ESRRG: variants seen among roughly 807,000 people sequenced by gnomAD.
ESRRG encodes the protein estrogen-related receptor gamma.
In ESRRG, 13 loss-of-function variants were observed where a neutral mutation model predicts 44.0. The ratio of observed to expected loss-of-function variants is 0.30; its 90% confidence interval spans 0.19 to 0.47. The LOEUF (loss-of-function observed/expected upper bound fraction) is 0.47. Ranked by LOEUF, ESRRG falls within the 20% of genes least tolerant of loss-of-function variation. The pLI is 1.00. For missense variants in ESRRG, 395 were observed against 580.6 expected, an observed-to-expected ratio of 0.68 and a Z score of 3.29; for synonymous variants, 215 against 214.6, an observed-to-expected ratio of 1.00 and a Z score of -0.02.
intron 2 of ESRRG, among the ~76,000 whole-genome samples, chr1:216,906,457 C>T (rs2059695176): frequency 6.6e-6 from 1 of 152,136 alleles, no homozygotes; most frequent in Non-Finnish European, 1.5e-5. Flanking sequence ...CTTTGTCCAT[C>T]AGACATATGG....
chr1:216,803,349 AAT>A (rs1234032673), intron 2 of ESRRG, among the ~76,000 whole-genome samples: 1 of 152,156 alleles, frequency 6.6e-6, no homozygotes, highest in Non-Finnish European at 1.5e-5. Context: ...ACCTCCAATT[AAT>A]AGTTTCTTAA....
intron 1 of ESRRG, among the ~76,000 whole-genome samples, chr1:217,050,404 A>C: frequency 6.6e-6 from 1 of 152,192 alleles, no homozygotes. Flanking sequence ...CAGCTTTATC[A>C]TCTGAGGTCT....
chr1:216,843,778 C>G lies in ESRRG; in HGVS notation c.-14+95804G>C, dbSNP rs531913358. On this transcript the variant is annotated intron_variant, in intron 2 of 7. Transcript: ENST00000359162. ...GAACCACATTACTGTAATTGGGTACCTGAATTAATGCCATTTCTTCTGATG... is the reference window on the plus strand; with the variant it reads ...GAACCACATTACTGTAATTGGGTACGTGAATTAATGCCATTTCTTCTGATG... Among the ~76,000 whole-genome samples, 4 of 152,184 alleles carry G rather than the reference C, an allele frequency of 2.6e-5. No homozygotes were observed. The South Asian group carries it at 8.3e-4, about 32-fold the overall frequency.
intron 2 of ESRRG, among the ~76,000 whole-genome samples, chr1:216,756,600 T>C (rs960160389): frequency 7.9e-5 from 12 of 152,038 alleles, no homozygotes; most frequent in African/African-American, 2.9e-4. Flanking sequence ...TAGCTCATTC[T>C]AGCTACTTTA....
At chr1:216,990,887 A>G (rs1215094952) in intron 1 of ESRRG, among the ~76,000 whole-genome samples, 1 of 152,120 alleles carries the variant, frequency 6.6e-6, no homozygotes, top group Non-Finnish European at 1.5e-5. Flanking sequence ...TCTAGGGTCA[A>G]TTGTACTGTA....
intron 2 of ESRRG, among the ~76,000 whole-genome samples, chr1:216,816,160 A>G (rs1288335756): frequency 2.0e-5 from 3 of 152,162 alleles, no homozygotes; most frequent in Admixed American, 6.5e-5. Context: ...CCGAAATGGG[A>G]GCAAAGGTTT....
chr1:216,823,223 G>A lies in ESRRG; in HGVS notation c.-14+116359C>T, dbSNP rs528632602. ...AAAGTCTTGAATCTGTAAGAGAAGG[G>A]AGTAAGACTGGATGCAAAGACCTCT... On this transcript the variant is annotated intron_variant, in intron 2 of 7. Coordinates refer to the ESRRG transcript ENST00000359162. Among the ~76,000 whole-genome samples, 6 of 152,036 alleles carry A rather than the reference G, an allele frequency of 3.9e-5. No homozygotes were observed. The South Asian group carries it at 1.3e-3, about 32-fold the overall frequency.
chr1:216,655,579 C>T (rs2070283134), intron 2 of ESRRG, among the ~76,000 whole-genome samples: 1 of 152,156 alleles, frequency 6.6e-6, no homozygotes, highest in African/African-American at 2.4e-5. Context: ...AGCATCTTCA[C>T]AAATGATATA....
intron 3 of ESRRG, among the ~76,000 whole-genome samples, chr1:216,636,017 A>C (rs1167380862): frequency 6.6e-6 from 1 of 152,226 alleles, no homozygotes; most frequent in Non-Finnish European, 1.5e-5. Flanking sequence ...AAGCATTTTA[A>C]ATACATTACC....
At chr1:216,717,866 A>G (rs1209737158) in intron 1 of ESRRG, among the ~76,000 whole-genome samples, 1 of 151,876 alleles carries the variant, frequency 6.6e-6, no homozygotes, top group African/African-American at 2.4e-5. Context: ...GAAAGCTATC[A>G]TGCTTTACAT....
intron 2 of ESRRG, among the ~76,000 whole-genome samples, chr1:216,662,947 A>G (rs2072908201): frequency 6.6e-6 from 1 of 152,194 alleles, no homozygotes; most frequent in South Asian, 2.1e-4. Context: ...TCTAAACCAT[A>G]TGGACAAAAG....
At chr1:217,039,570 G>A (rs1480541541) in intron 1 of ESRRG, among the ~76,000 whole-genome samples, 1 of 152,100 alleles carries the variant, frequency 6.6e-6, no homozygotes, top group East Asian at 1.9e-4. Flanking sequence ...AGAACAGCAA[G>A]GGAAAGACCT....
intron 2 of ESRRG, among the ~76,000 whole-genome samples, chr1:216,933,708 A>C (rs2063697757): frequency 6.6e-6 from 1 of 152,226 alleles, no homozygotes; most frequent in South Asian, 2.1e-4. Flanking sequence ...CATATCATTC[A>C]ATTTTTAAGA....
intron 5 of ESRRG, among the ~76,000 whole-genome samples, chr1:216,544,416 G>A (rs1015443612): frequency 6.6e-6 from 1 of 151,886 alleles, no homozygotes; most frequent in African/African-American, 2.4e-5. Flanking sequence ...ACAATATCAG[G>A]TACCAATCAG....
chr1:217,058,752 G>A (rs1457350919), intron 1 of ESRRG, among the ~76,000 whole-genome samples: 1 of 151,676 alleles, frequency 6.6e-6, no homozygotes, highest in Non-Finnish European at 1.5e-5. Context: ...CTGTGTCCTT[G>A]AGGGTCCAGA....
At chr1:216,742,865 A>T (rs2090927415) in intron 2 of ESRRG, among the ~76,000 whole-genome samples, 1 of 148,948 alleles carries the variant, frequency 6.7e-6, no homozygotes, top group Non-Finnish European at 1.5e-5. Context: ...AATTAAAAAA[A>T]CCCTCAAACT....
Position 216,857,269 on chromosome 1 carries a change from G to A in ESRRG, c.-14+82313C>T, listed in dbSNP as rs142709629. On this transcript the variant is annotated intron_variant, in intron 2 of 7. Coordinates refer to the ESRRG transcript ENST00000359162. ...AATGACAATCTGCTAACCAGCACTG[G>A]GCATTGCTCAGTGCTTTTCTCTATT... is the stretch of plus-strand genomic sequence containing the variant. Among the ~76,000 whole-genome samples, 345 of 151,548 alleles carry A rather than the reference G, an allele frequency of 2.3e-3. 2 individuals carry two copies. The highest frequency in any genetic ancestry group is 6.9e-3 in the African/African-American group (285 of 41,332).
At chr1:216,979,940 C>T (rs2073650795) in intron 1 of ESRRG, among the ~76,000 whole-genome samples, 1 of 152,122 alleles carries the variant, frequency 6.6e-6, no homozygotes, top group Non-Finnish European at 1.5e-5. Context: ...CCTCCAGAAT[C>T]AAATGATGCA....
chr1:216,650,211 T>C (rs1574759554), intron 3 of ESRRG, among the ~76,000 whole-genome samples: 1 of 152,176 alleles, frequency 6.6e-6, no homozygotes, highest in Non-Finnish European at 1.5e-5. Flanking sequence ...CACACAAGTA[T>C]AGCAATGCAT....
Sources: gnomAD v4.1 joint callset for allele counts (sites outside exome capture counted in the v4.1 genomes callset) on GRCh38, gnomAD v4.1.1 for gene constraint, MANE v1.5 for transcripts, NCBI Gene and HGNC (gene_info 2026-07-23, HGNC 2026-07-21) for gene names.